Variants in PCDHGA2 observed in about 807,000 individuals in gnomAD.
PCDHGA2 encodes protocadherin gamma subfamily A, 2.
In PCDHGA2, 40 loss-of-function variants were observed where a neutral mutation model predicts 59.2. The observed-to-expected ratio is 0.68, with a 90% CI of 0.52 to 0.88. PCDHGA2 has a LOEUF of 0.88. Among genes scored for constraint, PCDHGA2 ranks in the 40% least tolerant of loss-of-function variants. The pLI, the probability that PCDHGA2 is intolerant of heterozygous loss-of-function variation, is 0.00. For missense variants in PCDHGA2, 1,226 were observed against 1,204.0 expected, an observed-to-expected ratio of 1.02 and a Z score of -0.27; for synonymous variants, 560 against 526.0, an observed-to-expected ratio of 1.06 and a Z score of -0.89.
In PCDHGA2 at chr5:141,485,979, C is replaced by G; in HGVS notation, c.2425-8828C>G. 1 of 1,614,182 alleles carries G rather than the reference C, an allele frequency of 6.2e-7. No individual in the cohort carries two copies. Among genetic ancestry groups the G allele is most frequent in the Non-Finnish European group, 8.5e-7 (1 of 1,180,022 alleles). On this transcript the variant is annotated intron_variant, in intron 1 of 3. Coordinates refer to ENST00000394576, the MANE Select transcript of PCDHGA2 (RefSeq NM_018915.4). The surrounding 1 kb of genome is among the most constrained non-coding windows in gnomAD (Gnocchi z 5.7). ...CTCATCCAGCTCAATGCCTCAGACC[C>G]GGACCTGGGTCCCAGTGGTAACGTC...
At chr5:141,492,385 G>A (rs1224771842) in intron 1 of PCDHGA2, among the ~76,000 whole-genome samples, 1 of 152,208 alleles carries the variant, frequency 6.6e-6, no homozygotes, top group Non-Finnish European at 1.5e-5. Context: ...GGCCTGTTCC[G>A]GTCCACTCGC....
At chr5:141,436,707 T>C (rs985035872) in intron 1 of PCDHGA2, among the ~76,000 whole-genome samples, 18 of 152,208 alleles carry the variant, frequency 1.2e-4, no homozygotes, top group African/African-American at 4.3e-4. Context: ...GCACACTCGA[T>C]GTTCTGTTGG....
intron 1 of PCDHGA2, chr5:141,405,594 C>G: frequency 1.7e-6 from 1 of 578,834 alleles, no homozygotes; most frequent in Non-Finnish European, 3.0e-6. Context: ...ACAGGCCTCC[C>G]AAGTAGAATA....
chr5:141,364,250 A>G, intron 1 of PCDHGA2: 2 of 1,482,280 alleles, frequency 1.3e-6, no homozygotes, highest in Non-Finnish European at 1.8e-6. Flanking sequence ...TCGTCAGGGA[A>G]TATGTACCCA....
chr5:141,388,992 C>T (rs1310959225), intron 1 of PCDHGA2: 3 of 1,613,834 alleles, frequency 1.9e-6, no homozygotes, highest in African/African-American at 1.3e-5. Flanking sequence ...GCTCAAAGTC[C>T]GTGACAAGGA....
intron 1 of PCDHGA2, chr5:141,408,837 T>A: frequency 6.2e-7 from 1 of 1,613,716 alleles, no homozygotes; most frequent in Non-Finnish European, 8.5e-7. Flanking sequence ...AGCTTGATAT[T>A]GACTGCCTTG....
intron 1 of PCDHGA2, chr5:141,371,816 C>T: frequency 6.2e-7 from 1 of 1,613,888 alleles, no homozygotes; most frequent in Non-Finnish European, 8.5e-7. Context: ...TTGCGCATGT[C>T]AGAGCCTCGG....
At chr5:141,355,370 G>C (rs756032397) in intron 1 of PCDHGA2, 2 of 1,614,036 alleles carry the variant, frequency 1.2e-6, no homozygotes, top group Non-Finnish European at 1.7e-6. Flanking sequence ...TTGGCGCCCC[G>C]GGAGCTGGCG....
chr5:141,427,883 C>G (rs2097084423), intron 1 of PCDHGA2: 3 of 1,563,818 alleles, frequency 1.9e-6, no homozygotes, highest in Non-Finnish European at 1.7e-6. Flanking sequence ...TGCAGGCCCA[C>G]GACCAGGGCT....
chr5:141,352,670 G>T, intron 1 of PCDHGA2: 2 of 1,579,078 alleles, frequency 1.3e-6, no homozygotes, highest in Non-Finnish European at 1.7e-6. Context: ...GTCTTCGCAC[G>T]TGAGTTTCTG....
At chr5:141,397,756 A>AT (rs1283531463) in intron 1 of PCDHGA2, among the ~76,000 whole-genome samples, 1 of 152,210 alleles carries the variant, frequency 6.6e-6, no homozygotes, top group Admixed American at 6.5e-5. Context: ...AGTTGTTATA[A>AT]TTTTTTATTA....
chr5:141,365,055 T>G (rs181194736), intron 1 of PCDHGA2: 1 of 1,613,822 alleles, frequency 6.2e-7, no homozygotes, highest in Non-Finnish European at 8.5e-7. Context: ...GCGCCCCTGT[T>G]CACCCCATCC....
At chr5:141,415,589 T>A in intron 1 of PCDHGA2, 1 of 1,614,062 alleles carries the variant, frequency 6.2e-7, no homozygotes, top group East Asian at 2.2e-5. Flanking sequence ...AAGTTTCCTA[T>A]AGAGGATACC....
At chr5:141,500,184 TTTTATTTATTTA>T (rs58019021) in intron 2 of PCDHGA2, among the ~76,000 whole-genome samples, 197 of 135,960 alleles carry the variant, frequency 1.4e-3, no homozygotes, top group African/African-American at 3.6e-3. Context: ...TCATTTTTAT[TTTTATTTATTTA>T]TTTATTTATT....
At chr5:141,409,522 G>C in intron 1 of PCDHGA2, 4 of 1,613,992 alleles carry the variant, frequency 2.5e-6, no homozygotes, top group Non-Finnish European at 3.4e-6. Context: ...GCATCACCTT[G>C]TATGTCGCTG....
chr5:141,357,680 A>G (rs913716274), intron 1 of PCDHGA2: 1 of 1,580,188 alleles, frequency 6.3e-7, no homozygotes, highest in Non-Finnish European at 8.6e-7. Flanking sequence ...AGTTGTGTAA[A>G]TGTCTCTCAT....
intron 1 of PCDHGA2, chr5:141,357,048 A>C: frequency 6.2e-7 from 1 of 1,614,008 alleles, no homozygotes; most frequent in Non-Finnish European, 8.5e-7. Context: ...AGCCGGGACT[A>C]TTTGCAGTGG....
intron 1 of PCDHGA2, chr5:141,385,646 C>A: frequency 1.4e-6 from 1 of 737,590 alleles, no homozygotes; most frequent in Non-Finnish European, 1.7e-6. Flanking sequence ...TTTCATATTG[C>A]ACAAGGTTAG....
At chr5:141,502,542 A>G (rs2099814957) in intron 2 of PCDHGA2, among the ~76,000 whole-genome samples, 1 of 152,216 alleles carries the variant, frequency 6.6e-6, no homozygotes, top group Admixed American at 6.5e-5. Context: ...TTCGTGTGGT[A>G]AAAACAGTGT....
Sources: gnomAD v4.1 joint callset for allele counts (sites outside exome capture counted in the v4.1 genomes callset) on GRCh38, gnomAD v4.1.1 for gene constraint, Gnocchi (gnomAD v3.1) non-coding constraint, MANE v1.5 for transcripts, NCBI Gene and HGNC (gene_info 2026-07-23, HGNC 2026-07-21) for gene names.